The following ARHGAP20 variants were observed in gnomAD, a reference collection of about 807,000 sequenced individuals.
ARHGAP20 encodes the protein rho GTPase-activating protein 20.
Under a neutral mutation model 73.7 loss-of-function variants are expected in ARHGAP20, and 34 were observed. The ratio of observed to expected loss-of-function variants is 0.46; its 90% confidence interval spans 0.35 to 0.61. ARHGAP20 has a LOEUF of 0.61. Among genes scored for constraint, ARHGAP20 ranks in the 20% least tolerant of loss-of-function variants. The pLI, the probability that ARHGAP20 is intolerant of heterozygous loss-of-function variation, is 0.00. For synonymous variants in ARHGAP20, 523 were observed against 518.2 expected (o/e 1.01, Z -0.13); for missense variants, 1,314 against 1,420.9 (o/e 0.92, Z 1.21).
intron 3 of ARHGAP20, among the ~76,000 whole-genome samples, 193 bp downstream of exon 3, chr11:110,630,421 CATGGCACAGAACAG>C (rs112537796): frequency 0.046 from 6,999 of 152,192 alleles, 521 homozygotes; most frequent in African/African-American, 0.15. Context: ...TTATTCAGGA[CATGGCACAGAACAG>C]GACCTAAATA....
At chr11:110,696,458 A>T (rs1565482858) in intron 1 of ARHGAP20, among the ~76,000 whole-genome samples, 1 of 149,154 alleles carries the variant, frequency 6.7e-6, no homozygotes, top group East Asian at 2.0e-4. Context: ...AAAAAGGAAA[A>T]TTTTTTTATC....
Position 110,578,600 on chromosome 11 carries a change from A to G in ARHGAP20, c.*770T>C, listed in dbSNP as rs145493924. 5.1e-6 allele frequency: 5 copies of G among 985,420 alleles called. No individual in the cohort carries two copies. Among genetic ancestry groups the G allele is most frequent in the Middle Eastern group, 5.2e-4 (1 of 1,914 alleles). The allele number at this position is 985,420 out of a possible 1,614,324, so 61.0% of individuals were successfully genotyped here. On this transcript the variant is annotated 3_prime_UTR_variant, in exon 15 of 15. Coordinates refer to ENST00000683387, the MANE Select transcript of ARHGAP20 (RefSeq NM_001384657.1). Reference sequence around the variant, plus strand: ...CTGAAGAATGTTCCTAGGCAGAGATACCTTTGAAAGGGTACTGAAATGGGC... The same window carrying G: ...CTGAAGAATGTTCCTAGGCAGAGATGCCTTTGAAAGGGTACTGAAATGGGC...
intron 2 of ARHGAP20, among the ~76,000 whole-genome samples, chr11:110,682,995 G>C (rs1421187887): frequency 7.4e-6 from 1 of 134,934 alleles, no homozygotes; most frequent in Non-Finnish European, 1.6e-5. Flanking sequence ...TCTCAGCAGA[G>C]ATTTAAAAGT....
At chr11:110,615,835 C>A (rs1948470694) in intron 4 of ARHGAP20, among the ~76,000 whole-genome samples, 1 of 152,154 alleles carries the variant, frequency 6.6e-6, no homozygotes, top group Non-Finnish European at 1.5e-5. Flanking sequence ...CTAAGACAAA[C>A]CCTCTTTTCT....
At chr11:110,652,895 G>A (rs1949387135) in intron 2 of ARHGAP20, among the ~76,000 whole-genome samples, 1 of 152,100 alleles carries the variant, frequency 6.6e-6, no homozygotes, top group African/African-American at 2.4e-5. Context: ...CGACAGAACA[G>A]AAAATTCAGA....
intron 4 of ARHGAP20, among the ~76,000 whole-genome samples, chr11:110,620,734 A>G (rs1056048465): frequency 4.6e-5 from 7 of 152,184 alleles, no homozygotes; most frequent in Non-Finnish European, 1.0e-4. Context: ...TTTTTGCTGA[A>G]TACTGTATTC....
At chr11:110,692,543 C>G (rs1287295256) in intron 1 of ARHGAP20, among the ~76,000 whole-genome samples, 1 of 152,100 alleles carries the variant, frequency 6.6e-6, no homozygotes, top group Non-Finnish European at 1.5e-5. Context: ...CATCTGCTTT[C>G]TCTAACCTTC....
chr11:110,680,109 T>C (rs949451170), intron 2 of ARHGAP20, among the ~76,000 whole-genome samples: 5 of 152,180 alleles, frequency 3.3e-5, no homozygotes, highest in Admixed American at 3.3e-4. Flanking sequence ...TTTTATTTAA[T>C]GAAACATTAT....
chr11:110,627,098 A>T (rs1948760701), intron 3 of ARHGAP20, among the ~76,000 whole-genome samples: 1 of 151,006 alleles, frequency 6.6e-6, no homozygotes, highest in Admixed American at 6.6e-5. Flanking sequence ...AAATATATAT[A>T]TTTTTTTGAG....
intron 4 of ARHGAP20, among the ~76,000 whole-genome samples, chr11:110,619,761 T>C (rs1026761751): frequency 9.2e-5 from 14 of 151,928 alleles, no homozygotes; most frequent in Admixed American, 7.9e-4. Context: ...GTATATGTAG[T>C]GATAGTGTAT....
chr11:110,584,972 A>AATATATGAATATGAATAT (rs1555082421), intron 12 of ARHGAP20, among the ~76,000 whole-genome samples: 6 of 145,950 alleles, frequency 4.1e-5, no homozygotes, highest in Admixed American at 6.9e-5. Flanking sequence ...TGAATATATG[A>AATATATGAATATGAATAT]ATATATATGT....
chr11:110,706,682 T>C (rs1349745184), intron 1 of ARHGAP20, among the ~76,000 whole-genome samples: 1 of 152,142 alleles, frequency 6.6e-6, no homozygotes, highest in Non-Finnish European at 1.5e-5. Context: ...AAAACCAACC[T>C]TGTGAGAGGT....
At chr11:110,643,693 C>A (rs1253985010) in intron 2 of ARHGAP20, among the ~76,000 whole-genome samples, 1 of 151,804 alleles carries the variant, frequency 6.6e-6, no homozygotes, top group Non-Finnish European at 1.5e-5. Context: ...TGTGGTCAAT[C>A]TTAGATAATG....
intron 12 of ARHGAP20, among the ~76,000 whole-genome samples, chr11:110,584,434 A>G (rs961905292): frequency 3.3e-5 from 5 of 151,478 alleles, no homozygotes; most frequent in Non-Finnish European, 7.4e-5. Flanking sequence ...TTTTTTTTCA[A>G]TAGAAACCTG....
At chr11:110,680,773 A>G (rs750051597) in intron 2 of ARHGAP20, among the ~76,000 whole-genome samples, 81 of 152,192 alleles carry the variant, frequency 5.3e-4, no homozygotes, top group Non-Finnish European at 9.4e-4. Flanking sequence ...AAATTAGCAC[A>G]CTGCACCACA....
intron 3 of ARHGAP20, among the ~76,000 whole-genome samples, chr11:110,624,578 C>T (rs1948696866): frequency 6.6e-6 from 1 of 151,338 alleles, no homozygotes; most frequent in Admixed American, 6.6e-5. Flanking sequence ...ACCACCATGG[C>T]ACACGTAACC....
chr11:110,695,125 T>G (rs1950311587), intron 1 of ARHGAP20, among the ~76,000 whole-genome samples: 1 of 151,624 alleles, frequency 6.6e-6, no homozygotes, highest in Admixed American at 6.6e-5. Flanking sequence ...TAAATGGTGC[T>G]GAGATAATGG....
chr11:110,652,044 T>A (rs569140432), intron 2 of ARHGAP20, among the ~76,000 whole-genome samples: 1 of 152,124 alleles, frequency 6.6e-6, no homozygotes, highest in Non-Finnish European at 1.5e-5. Context: ...TCCACCACAA[T>A]CATGTTGGCT....
At chr11:110,618,186 A>G (rs1948528072) in intron 4 of ARHGAP20, among the ~76,000 whole-genome samples, 1 of 152,206 alleles carries the variant, frequency 6.6e-6, no homozygotes, top group South Asian at 2.1e-4. Context: ...AGTGACCACA[A>G]TAGACTAAAG....
Sources: allele counts gnomAD v4.1 joint callset (sites outside exome capture counted in the v4.1 genomes callset), GRCh38; gene constraint gnomAD v4.1.1; transcripts MANE v1.5; gene names NCBI Gene and HGNC (gene_info 2026-07-23, HGNC 2026-07-21).